CACNG2: variants seen among roughly 807,000 people sequenced by gnomAD.
The protein encoded by CACNG2 is calcium voltage-gated channel auxiliary subunit gamma 2.
Under a neutral mutation model 25.9 loss-of-function variants are expected in CACNG2, and 3 were observed. The ratio of observed to expected loss-of-function variants is 0.12; its 90% CI spans 0.05 to 0.30. The LOEUF is 0.30. CACNG2 is among the 10% of genes least tolerant of loss of function. The pLI, the probability that CACNG2 is intolerant of heterozygous loss-of-function variation, is 1.00. For synonymous variants in CACNG2, 167 were observed against 173.3 expected (o/e 0.96, Z 0.29); for missense variants, 341 against 432.5 (o/e 0.79, Z 1.88).
rs1275851901 is a variant in CACNG2 at position 36,562,986 on chromosome 22, AG to A, written c.*1364del. ...TTTACAAGTTCCCTGCTAAAGTTTA[AG>A]TCCCCCACCCCGCCCCATTTTTTGT... On this transcript the variant is annotated 3_prime_UTR_variant, in exon 4 of 4. Coordinates refer to ENST00000300105, the MANE Select transcript of CACNG2 (RefSeq NM_006078.5). 2.6e-5 allele frequency: 4 copies of A among 151,890 alleles called. No individual in the cohort carries two copies. Among genetic ancestry groups the A allele is most frequent in the Non-Finnish European group, 5.9e-5 (4 of 67,956 alleles). The allele number at this position is 151,890 out of a possible 1,614,324, so 9.4% of individuals were successfully genotyped here.
chr22:36,586,735 C>T (rs1935510191), intron 2 of CACNG2, among the ~76,000 whole-genome samples: 1 of 152,100 alleles, frequency 6.6e-6, no homozygotes, highest in Non-Finnish European at 1.5e-5. Flanking sequence ...AGAACCTCGG[C>T]TTTGCTGTCC....
chr22:36,572,971 C>G (rs1191211824), intron 2 of CACNG2, among the ~76,000 whole-genome samples: 1 of 152,148 alleles, frequency 6.6e-6, no homozygotes, highest in South Asian at 2.1e-4. Context: ...CTTTCTAGAG[C>G]TTATACTCTC....
chr22:36,621,752 T>G (rs1936109456), intron 1 of CACNG2, among the ~76,000 whole-genome samples: 1 of 152,130 alleles, frequency 6.6e-6, no homozygotes, highest in South Asian at 2.1e-4. Flanking sequence ...CAGTGCAGGC[T>G]CCTGGTGACA....
chr22:36,634,328 T>A (rs976333075), intron 1 of CACNG2, among the ~76,000 whole-genome samples: 15 of 152,214 alleles, frequency 9.9e-5, no homozygotes. Flanking sequence ...TCCTAGATGA[T>A]CTGCCATGAT....
At chr22:36,686,816 T>C (rs1937206496) in intron 1 of CACNG2, among the ~76,000 whole-genome samples, 1 of 152,190 alleles carries the variant, frequency 6.6e-6, no homozygotes, top group Non-Finnish European at 1.5e-5. Flanking sequence ...AAGGTGAAGA[T>C]TTGGACTAGA....
chr22:36,565,007 G>C, intron 3 of CACNG2, 121 bp from the exon 4 acceptor site: 1 of 847,836 alleles, frequency 1.2e-6, no homozygotes, highest in South Asian at 1.4e-5. Context: ...CCGGTCCCGC[G>C]CCTTCATGAA....
chr22:36,625,981 G>A (rs148639132), intron 1 of CACNG2, among the ~76,000 whole-genome samples: 130 of 152,198 alleles, frequency 8.5e-4, no homozygotes, highest in Non-Finnish European at 7.8e-4. Context: ...GTGCAGTGGC[G>A]AAATCTCGGC....
At chr22:36,654,577 C>G (rs1936676478) in intron 1 of CACNG2, among the ~76,000 whole-genome samples, 1 of 152,242 alleles carries the variant, frequency 6.6e-6, no homozygotes, top group East Asian at 1.9e-4. Flanking sequence ...TTCATTATGA[C>G]ACTGCTCTTT....
intron 1 of CACNG2, among the ~76,000 whole-genome samples, chr22:36,615,483 C>T (rs1936008599): frequency 6.6e-6 from 1 of 152,202 alleles, no homozygotes; most frequent in African/African-American, 2.4e-5. Flanking sequence ...ACCATGGCTC[C>T]CCTGTCTAGA....
Position 36,568,474 on chromosome 22 carries a change from G to A in CACNG2, c.296-1981C>T, listed in dbSNP as rs368432834. On this transcript the variant is annotated intron_variant, in intron 2 of 3. Coordinates refer to ENST00000300105, the MANE Select transcript of CACNG2 (RefSeq NM_006078.5). ...GGCTGGAGTGTAGTGGTGTGATCTC[G>A]GCTCACTGCAGCCTCCACCTCCCAG... Among the ~76,000 whole-genome samples the A allele has an allele frequency of 1.5e-4, 23 of 150,098 alleles. 1 individual carries two copies. The East Asian group carries it at 3.7e-3, about 24-fold the overall frequency.
chr22:36,601,030 C>T (rs1935747300), intron 1 of CACNG2, among the ~76,000 whole-genome samples: 1 of 152,146 alleles, frequency 6.6e-6, no homozygotes, highest in African/African-American at 2.4e-5. Context: ...AGCAAAAATC[C>T]TGAATACAAT....
intron 1 of CACNG2, among the ~76,000 whole-genome samples, chr22:36,687,600 A>G (rs1937217494): frequency 6.6e-6 from 1 of 152,250 alleles, no homozygotes; most frequent in South Asian, 2.1e-4. Flanking sequence ...AAAGATGTCC[A>G]CATCCCAATT....
intron 1 of CACNG2, among the ~76,000 whole-genome samples, chr22:36,700,764 A>G (rs1455909471): frequency 6.6e-6 from 1 of 152,154 alleles, no homozygotes; most frequent in Non-Finnish European, 1.5e-5. Context: ...GCTGGGGAAG[A>G]GCATATAGTA....
Position 36,562,174 on chromosome 22 carries a change from G to C in CACNG2, c.*2177C>G, listed in dbSNP as rs1935039190. The C allele has an allele frequency of 6.5e-6, 1 of 152,876 alleles. No individual in the cohort carries two copies. Among genetic ancestry groups the C allele is most frequent in the African/African-American group, 2.4e-5 (1 of 41,376 alleles). 9.5% of individuals were successfully genotyped at this position (152,876 alleles called of 1,614,324 possible). ...CATTGGATGTGGGGGCAGGTGTTCG[G>C]GGAGCACAGTGAGGAGGTATATGGT... On this transcript the variant is annotated 3_prime_UTR_variant, in exon 4 of 4. Coordinates refer to ENST00000300105, the MANE Select transcript of CACNG2 (RefSeq NM_006078.5).
intron 1 of CACNG2, among the ~76,000 whole-genome samples, chr22:36,599,069 T>C (rs1038639784): frequency 6.6e-6 from 1 of 152,238 alleles, no homozygotes; most frequent in African/African-American, 2.4e-5. Flanking sequence ...AACACTTGCA[T>C]ACATGCACAC....
At position 36,679,198 on chromosome 22, in the gene CACNG2, CT is replaced by C. The variant is rs869199015; in HGVS notation, c.211+23167del. ...CCTTCCTTCCTTCCTTCCTTCCTTC[CT>C]TTCTTTCTTTCTTTCTTTCTTTCTT... On this transcript the variant is annotated intron_variant, in intron 1 of 3. Transcript: ENST00000300105. 7.7e-3 allele frequency among the ~76,000 whole-genome samples: 555 copies of C among 72,412 alleles called. 1 individual carries two copies. Among genetic ancestry groups the C allele is most frequent in the African/African-American group, 9.7e-3 (199 of 20,602 alleles). 47.5% of individuals were successfully genotyped at this position (72,412 alleles called of 152,430 possible).
At position 36,684,255 on chromosome 22, in the gene CACNG2, A is replaced by G. The variant is rs182470837; in HGVS notation, c.211+18111T>C. Among the ~76,000 whole-genome samples, 3 of 152,324 alleles carry G rather than the reference A, an allele frequency of 2.0e-5. No individual in the cohort carries two copies. The East Asian group carries it at 5.8e-4, about 29-fold the overall frequency. ...TGTTAAAAATATAACTAGTGAATTG[A>G]ACCAGTGATTTCTTGGGTACTATTG... On this transcript the variant is annotated intron_variant, in intron 1 of 3. Transcript: ENST00000300105.
chr22:36,635,519 G>C (rs1001752138), intron 1 of CACNG2, among the ~76,000 whole-genome samples: 11 of 152,248 alleles, frequency 7.2e-5, no homozygotes, highest in South Asian at 2.1e-4. Flanking sequence ...ACATCTAATA[G>C]TGGGAGAAGG....
rs9622450 is a variant in CACNG2, at chr22:36,661,192, G to A, written c.211+41174C>T. Among the ~76,000 whole-genome samples the A allele has an allele frequency of 3.3e-3, 510 of 152,332 alleles. 8 individuals carry two copies. The highest frequency in any genetic ancestry group is 0.012 in the African/African-American group (487 of 41,562). On this transcript the variant is annotated intron_variant, in intron 1 of 3. Coordinates refer to ENST00000300105, the MANE Select transcript of CACNG2 (RefSeq NM_006078.5). Reference sequence around the variant, plus strand: ...CTCTAGAGGAGTCCGGAAGTGGAATGGGGAGCTGAGGCTGCCATGTACGTC... The same window carrying A: ...CTCTAGAGGAGTCCGGAAGTGGAATAGGGAGCTGAGGCTGCCATGTACGTC...
Sources: gnomAD v4.1 joint callset for allele counts (sites outside exome capture counted in the v4.1 genomes callset) on GRCh38, gnomAD v4.1.1 for gene constraint, MANE v1.5 for transcripts, NCBI Gene and HGNC (gene_info 2026-07-23, HGNC 2026-07-21) for gene names.